The following CACNA2D1 variants were observed in gnomAD, a reference collection of about 807,000 sequenced individuals.
CACNA2D1 encodes the protein voltage-dependent calcium channel subunit alpha-2/delta-1.
CACNA2D1 carries 53 observed loss-of-function variants against 171.5 expected under a neutral mutation model. The ratio of observed to expected loss-of-function variants is 0.31; its 90% CI spans 0.25 to 0.39. The LOEUF (loss-of-function observed/expected upper bound fraction) is 0.39. CACNA2D1 is among the 10% of genes least tolerant of loss of function. The pLI, the probability that CACNA2D1 is intolerant of heterozygous loss-of-function variation, is 1.00. For synonymous variants in CACNA2D1, 442 were observed against 443.1 expected (o/e 1.00, Z 0.03); for missense variants, 903 against 1,299.8 (o/e 0.69, Z 4.69).
At chr7:82,221,740 T>C (rs776861296) in intron 3 of CACNA2D1, among the ~76,000 whole-genome samples, 8 of 145,454 alleles carry the variant, frequency 5.5e-5, no homozygotes, top group Admixed American at 1.4e-4. Flanking sequence ...TGAGACTCCA[T>C]CTCAAAGAAG....
At chr7:82,339,335 C>A (rs1444613046) in intron 2 of CACNA2D1, among the ~76,000 whole-genome samples, 2 of 152,104 alleles carry the variant, frequency 1.3e-5, no homozygotes, top group Admixed American at 6.6e-5. Flanking sequence ...ATTTTGACAA[C>A]CCCATTTCCC....
intron 3 of CACNA2D1, among the ~76,000 whole-genome samples, chr7:82,310,936 G>A (rs1814378633): frequency 1.3e-5 from 2 of 152,236 alleles, no homozygotes; most frequent in South Asian, 2.1e-4. Context: ...GCTTTGGGAT[G>A]TTACAGAGGA....
intron 3 of CACNA2D1, among the ~76,000 whole-genome samples, chr7:82,217,394 C>CATATATATATATATATATAT (rs6150191): frequency 0.01 from 1,061 of 102,136 alleles, 60 homozygotes; most frequent in African/African-American, 0.017. Context: ...CACACACATA[C>CATATATATATATATATATAT]ATATATATAT....
intron 4 of CACNA2D1, among the ~76,000 whole-genome samples, chr7:82,150,273 AAACAACAAC>A (rs1202441195): frequency 0.091 from 8,232 of 90,172 alleles, 953 homozygotes; most frequent in African/African-American, 0.15. Flanking sequence ...AAAAAAACAA[AAACAACAAC>A]AAAAAAAAAC....
chr7:82,086,416 T>TTG (rs1232957853), intron 6 of CACNA2D1, among the ~76,000 whole-genome samples: 1 of 152,112 alleles, frequency 6.6e-6, no homozygotes, highest in South Asian at 2.1e-4. Context: ...AAAAGATCAG[T>TTG]TGTGTGTGTG....
intron 1 of CACNA2D1, among the ~76,000 whole-genome samples, chr7:82,372,416 T>A (rs1482528056): frequency 6.6e-6 from 1 of 152,108 alleles, no homozygotes; most frequent in African/African-American, 2.4e-5. Flanking sequence ...ACCAGGTAAT[T>A]TTAACATAAA....
chr7:82,093,548 A>C (rs1482377071), intron 6 of CACNA2D1, among the ~76,000 whole-genome samples: 1 of 152,164 alleles, frequency 6.6e-6, no homozygotes, highest in Admixed American at 6.5e-5. Context: ...AATCTCATGA[A>C]GAAAGGTTAA....
At chr7:82,115,212 A>G (rs1419009012) in intron 6 of CACNA2D1, among the ~76,000 whole-genome samples, 1 of 152,184 alleles carries the variant, frequency 6.6e-6, no homozygotes, top group African/African-American at 2.4e-5. Flanking sequence ...ATACAGAAGG[A>G]GATTATTATT....
At chr7:82,417,921 A>G (rs778626966) in intron 1 of CACNA2D1, among the ~76,000 whole-genome samples, 1 of 152,194 alleles carries the variant, frequency 6.6e-6, no homozygotes, top group Non-Finnish European at 1.5e-5. Context: ...TATTATGGAG[A>G]GGACAATATT....
rs201927487 is a variant in CACNA2D1 at position 82,258,817 on chromosome 7, C to CTTTTTTTTTTTTTTTTTTTTTTTTT, written c.294+76317_294+76318insAAAAAAAAAAAAAAAAAAAAAAAAA. Among the ~76,000 whole-genome samples the CTTTTTTTTTTTTTTTTTTTTTTTTT allele has an allele frequency of 2.6e-4, 19 of 72,626 alleles. 3 individuals carry two copies. Among genetic ancestry groups the CTTTTTTTTTTTTTTTTTTTTTTTTT allele is most frequent in the African/African-American group, 4.8e-4 (9 of 18,634 alleles). The allele number at this position is 72,626 out of a possible 152,430, so 47.6% of individuals were successfully genotyped here. ...ATTTCTTTCTTTCTTTCTTACTTTT[C>CTTTTTTTTTTTTTTTTTTTTTTTTT]TTTTTTTTTTTTTTTTTTTTTTGAG... On this transcript the variant is annotated intron_variant, in intron 3 of 38. Transcript: ENST00000356860.
chr7:82,404,890 T>C (rs1157264961), intron 1 of CACNA2D1, among the ~76,000 whole-genome samples: 1 of 152,218 alleles, frequency 6.6e-6, no homozygotes, highest in Non-Finnish European at 1.5e-5. Context: ...TTGCTGTCAT[T>C]CAAGTACTAA....
intron 3 of CACNA2D1, among the ~76,000 whole-genome samples, chr7:82,287,072 C>T (rs1461282764): frequency 2.0e-5 from 3 of 152,198 alleles, no homozygotes; most frequent in Non-Finnish European, 4.4e-5. Flanking sequence ...TTAATTATCA[C>T]TGTCTTCACA....
At chr7:82,286,337 T>C (rs1810767065) in intron 3 of CACNA2D1, among the ~76,000 whole-genome samples, 1 of 152,116 alleles carries the variant, frequency 6.6e-6, no homozygotes, top group Middle Eastern at 3.2e-3. Flanking sequence ...TACTCGCTAT[T>C]TTTCTTGCTG....
chr7:82,211,007 T>C (rs1800492492), intron 3 of CACNA2D1, among the ~76,000 whole-genome samples: 1 of 152,184 alleles, frequency 6.6e-6, no homozygotes, highest in African/African-American at 2.4e-5. Context: ...TTTTCCCATA[T>C]GATGTAATCT....
At chr7:82,346,829 T>G (rs1298915008) in intron 2 of CACNA2D1, among the ~76,000 whole-genome samples, 1 of 152,128 alleles carries the variant, frequency 6.6e-6, no homozygotes, top group Non-Finnish European at 1.5e-5. Context: ...TATGTGGGGA[T>G]TTGCTTATGT....
intron 10 of CACNA2D1, among the ~76,000 whole-genome samples, chr7:82,057,606 T>C (rs369087897): frequency 3.3e-5 from 5 of 151,996 alleles, no homozygotes; most frequent in East Asian, 3.9e-4. Flanking sequence ...AGGGTTCCAG[T>C]TGACAAGAGG....
chr7:82,027,045 A>G (rs899080366), intron 12 of CACNA2D1, among the ~76,000 whole-genome samples: 14 of 151,680 alleles, frequency 9.2e-5, no homozygotes, highest in African/African-American at 3.4e-4. Context: ...AGTGGTTATC[A>G]GAGGCTGAGA....
At chr7:82,037,132 C>CA (rs1803373581) in intron 11 of CACNA2D1, among the ~76,000 whole-genome samples, 1 of 152,084 alleles carries the variant, frequency 6.6e-6, no homozygotes, top group Non-Finnish European at 1.5e-5. Context: ...TTAAGTAACT[C>CA]AAAGTGAAAT....
At chr7:82,246,109 C>T (rs1432744189) in intron 3 of CACNA2D1, among the ~76,000 whole-genome samples, 2 of 151,490 alleles carry the variant, frequency 1.3e-5, no homozygotes, top group Admixed American at 1.3e-4. Flanking sequence ...TTTATAAATG[C>T]CTCATGTTTA....
Sources: gnomAD v4.1 joint callset for allele counts (sites outside exome capture counted in the v4.1 genomes callset) on GRCh38, gnomAD v4.1.1 for gene constraint, MANE v1.5 for transcripts, NCBI Gene and HGNC (gene_info 2026-07-23, HGNC 2026-07-21) for gene names.